The following OLFM2 variants were observed in gnomAD, a reference collection of about 807,000 sequenced individuals.
OLFM2 encodes noelin-2.
Under a neutral mutation model 43.9 loss-of-function variants are expected in OLFM2, and 20 were observed. That is an observed-to-expected ratio of 0.46 (90% CI 0.32 to 0.66). The LOEUF (loss-of-function observed/expected upper bound fraction) is 0.66, where lower values mean the gene tolerates loss of function less well. Among genes scored for constraint, OLFM2 ranks in the 30% least tolerant of loss-of-function variants. OLFM2 has a pLI of 0.04. For missense variants in OLFM2, 416 were observed against 643.6 expected, an observed-to-expected ratio of 0.65 and a Z score of 3.83; for synonymous variants, 268 against 278.6, an observed-to-expected ratio of 0.96 and a Z score of 0.38.
chr19:9,930,567 C>T (rs575459744), intron 1 of OLFM2, among the ~76,000 whole-genome samples: 9 of 151,436 alleles, frequency 5.9e-5, no homozygotes, highest in East Asian at 2.0e-4. Flanking sequence ...GAAATAGGCC[C>T]GGCACCGTGG....
At chr19:9,925,437 A>T (rs1429278032) in intron 1 of OLFM2, among the ~76,000 whole-genome samples, 1 of 152,070 alleles carries the variant, frequency 6.6e-6, no homozygotes, top group Non-Finnish European at 1.5e-5. Flanking sequence ...AACTTAAAAC[A>T]TAGTTACCAT....
intron 1 of OLFM2, among the ~76,000 whole-genome samples, chr19:9,934,519 TGGA>T (rs1349010200): frequency 1.3e-5 from 2 of 150,770 alleles, no homozygotes; most frequent in Non-Finnish European, 3.0e-5. Flanking sequence ...TAGCAGGGAG[TGGA>T]GGAGAAGCCA....
rs141289980 is a variant in OLFM2 at position 9,857,677 on chromosome 19, ATTTG to A, written c.360+34_360+37del. ...AACTAATGGATACCAAATCCCAGTC[ATTTG>A]TTTGACCTCTGGTCTGGACACAGGA... is the stretch of plus-strand genomic sequence containing the variant. On this transcript the variant is annotated intron_variant, in intron 3 of 5. Coordinates refer to ENST00000264833, the MANE Select transcript of OLFM2 (RefSeq NM_058164.4). This position sits in a 1 kb window ranked among gnomAD's most constrained non-coding sequence, Gnocchi z 5.7. 47 of 1,614,000 alleles carry A rather than the reference ATTTG, an allele frequency of 2.9e-5. No homozygotes were observed. The East Asian group carries it at 9.8e-4, about 34-fold the overall frequency.
In OLFM2 at chr19:9,856,471, T is replaced by C. The variant is rs1310651172; in HGVS notation, c.687+336A>G. 1.3e-5 allele frequency among the ~76,000 whole-genome samples: 2 copies of C among 152,238 alleles called. No individual in the cohort carries two copies. The highest frequency in any genetic ancestry group is 6.5e-5 in the Admixed American group (1 of 15,274). ...AAGCTACTAGAAGTCCGAAGGTCACTGAGCAGTGCTTGGTGGAAGAGGTCT... is the reference window on the plus strand; with the variant it reads ...AAGCTACTAGAAGTCCGAAGGTCACCGAGCAGTGCTTGGTGGAAGAGGTCT... On this transcript the variant is annotated intron_variant, in intron 5 of 5. Coordinates refer to ENST00000264833, the MANE Select transcript of OLFM2 (RefSeq NM_058164.4). This position sits in a 1 kb window ranked among gnomAD's most constrained non-coding sequence, Gnocchi z 4.0.
intron 1 of OLFM2, among the ~76,000 whole-genome samples, chr19:9,922,105 A>G (rs889270229): frequency 6.6e-6 from 1 of 152,058 alleles, no homozygotes; most frequent in African/African-American, 2.4e-5. Context: ...AAAAAAAAAA[A>G]AAGAAATGAA....
intron 1 of OLFM2, among the ~76,000 whole-genome samples, chr19:9,871,737 G>T (rs1363755): frequency 0.97 from 148,091 of 152,194 alleles, 72,334 homozygotes; most frequent in Middle Eastern, 1. Flanking sequence ...AGGGCCTCAC[G>T]GGTGGGAATG....
intron 1 of OLFM2, among the ~76,000 whole-genome samples, chr19:9,898,260 G>A (rs2144972935): frequency 6.7e-6 from 1 of 149,532 alleles, no homozygotes; most frequent in South Asian, 2.2e-4. Context: ...GTTGGCTCAT[G>A]CCTGTAATCT....
chr19:9,863,808 T>C (rs531080340), intron 1 of OLFM2, among the ~76,000 whole-genome samples: 61 of 152,340 alleles, frequency 4.0e-4, no homozygotes, highest in African/African-American at 1.4e-3. Flanking sequence ...ACAGATGAGC[T>C]TGACTCCCCC....
At chr19:9,914,550 G>A (rs2046859859) in intron 1 of OLFM2, among the ~76,000 whole-genome samples, 2 of 151,950 alleles carry the variant, frequency 1.3e-5, no homozygotes, top group African/African-American at 2.4e-5. Flanking sequence ...CAGGGACCAC[G>A]GAGACCTGGC....
chr19:9,862,833 G>C (rs1386368693), intron 1 of OLFM2, among the ~76,000 whole-genome samples: 1 of 151,908 alleles, frequency 6.6e-6, no homozygotes, highest in Non-Finnish European at 1.5e-5. Context: ...AAATTAGCCG[G>C]GCATGGTGAT....
intron 1 of OLFM2, among the ~76,000 whole-genome samples, chr19:9,908,315 C>CT (rs1357563593): frequency 8.6e-5 from 13 of 151,418 alleles, no homozygotes; most frequent in Admixed American, 7.9e-4. Flanking sequence ...TCCTCTTTTT[C>CT]TTTTTTTTGA....
intron 1 of OLFM2, among the ~76,000 whole-genome samples, chr19:9,900,958 G>A (rs1482035404): frequency 3.0e-5 from 1 of 33,344 alleles, no homozygotes; most frequent in Non-Finnish European, 5.1e-5. Context: ...AAGGAAGGAA[G>A]GAAGGAAGGA....
intron 1 of OLFM2, among the ~76,000 whole-genome samples, chr19:9,908,526 G>A (rs2046801863): frequency 7.6e-6 from 1 of 131,384 alleles, no homozygotes; most frequent in African/African-American, 3.0e-5. Context: ...CACCCAGGCT[G>A]GAAGTGCAGT....
intron 1 of OLFM2, among the ~76,000 whole-genome samples, chr19:9,889,329 G>A (rs907173980): frequency 6.6e-6 from 1 of 151,952 alleles, no homozygotes; most frequent in East Asian, 1.9e-4. Flanking sequence ...AGCACACACA[G>A]TGTCAATCTC....
chr19:9,927,152 C>T (rs561173414), intron 1 of OLFM2, among the ~76,000 whole-genome samples: 17 of 151,950 alleles, frequency 1.1e-4, no homozygotes, highest in South Asian at 4.2e-4. Context: ...CGTGGTAGCA[C>T]GCGCCTGTTA....
chr19:9,887,419 T>C (rs2046597400), intron 1 of OLFM2, among the ~76,000 whole-genome samples: 3 of 152,126 alleles, frequency 2.0e-5, no homozygotes, highest in Non-Finnish European at 4.4e-5. Context: ...CCTCAAGTGA[T>C]CCACTTGCCT....
At chr19:9,935,617 G>C (rs1264075117) in intron 1 of OLFM2, among the ~76,000 whole-genome samples, 1 of 151,920 alleles carries the variant, frequency 6.6e-6, no homozygotes, top group Non-Finnish European at 1.5e-5. Context: ...GCTCTCACAC[G>C]GCCACACACC....
At position 9,905,836 on chromosome 19, in the gene OLFM2, G is replaced by A. The variant is rs116768882; in HGVS notation, c.63+30468C>T. Among the ~76,000 whole-genome samples, 1,021 of 152,208 alleles carry A rather than the reference G, an allele frequency of 6.7e-3. 14 individuals carry two copies. The highest frequency in any genetic ancestry group is 0.024 in the African/African-American group (985 of 41,524). ...TACAGGCCTTGGCAGCCTGGCACAG[G>A]CGCTATACCCTGAGCAGCCCCAACA... On this transcript the variant is annotated intron_variant, in intron 1 of 5. Transcript: ENST00000264833.
intron 1 of OLFM2, among the ~76,000 whole-genome samples, chr19:9,908,570 C>G (rs1368647740): frequency 6.9e-6 from 1 of 145,470 alleles, no homozygotes; most frequent in Non-Finnish European, 1.5e-5. Context: ...GCTCCACCTC[C>G]TGGGTTCACG....
Sources: gnomAD v4.1 joint callset for allele counts (sites outside exome capture counted in the v4.1 genomes callset) on GRCh38, gnomAD v4.1.1 for gene constraint, Gnocchi (gnomAD v3.1) non-coding constraint, MANE v1.5 for transcripts, NCBI Gene and HGNC (gene_info 2026-07-23, HGNC 2026-07-21) for gene names.